Variants in ARHGAP23 observed in about 807,000 individuals in gnomAD.
The protein encoded by ARHGAP23 is Rho GTPase activating protein 23.
Under a neutral mutation model 136.3 loss-of-function variants are expected in ARHGAP23, and 34 were observed. That is an observed-to-expected ratio of 0.25 (90% CI 0.19 to 0.33). The LOEUF (loss-of-function observed/expected upper bound fraction) is 0.33. Ranked by LOEUF, ARHGAP23 falls within the 10% of genes least tolerant of loss-of-function variation. The pLI, the probability that ARHGAP23 is intolerant of heterozygous loss-of-function variation, is 1.00. For synonymous variants in ARHGAP23, 832 were observed against 920.5 expected, an observed-to-expected ratio of 0.90 and a Z score of 1.74; for missense variants, 1,808 against 2,139.0, an observed-to-expected ratio of 0.85 and a Z score of 3.05.
chr17:38,427,850 A>T (rs2038592376), upstream of ARHGAP23, among the ~76,000 whole-genome samples: 1 of 151,782 alleles, frequency 6.6e-6, no homozygotes, highest in Non-Finnish European at 1.5e-5. Context: ...CCGTCTCCCC[A>T]CCCCCTGCAC....
intron 3 of ARHGAP23, among the ~76,000 whole-genome samples, 171 bp downstream of exon 3, chr17:38,461,103 CT>C (rs1428573604): frequency 6.6e-6 from 1 of 152,226 alleles, no homozygotes; most frequent in Non-Finnish European, 1.5e-5. Flanking sequence ...TGGGCACCTC[CT>C]CCTCACTCTC....
chr17:38,500,700 A>G (rs922118089), intron 23 of ARHGAP23, 72 bp downstream of exon 23: 12 of 1,347,302 alleles, frequency 8.9e-6, no homozygotes, highest in African/African-American at 8.7e-5. Context: ...GTTCAAGGGA[A>G]TTGAGGGAAT....
At chr17:38,450,121 G>A (rs191685539) in intron 1 of ARHGAP23, among the ~76,000 whole-genome samples, 2 of 152,318 alleles carry the variant, frequency 1.3e-5, no homozygotes, top group Non-Finnish European at 2.9e-5. Context: ...GGGCTCCCTT[G>A]GTTTGTGGGG....
chr17:38,472,537 G>A (rs995026202), intron 11 of ARHGAP23, among the ~76,000 whole-genome samples: 5 of 152,158 alleles, frequency 3.3e-5, no homozygotes, highest in African/African-American at 9.7e-5. Context: ...AGGAGCCACC[G>A]TGGAGATCCA....
intron 20 of ARHGAP23, among the ~76,000 whole-genome samples, chr17:38,495,888 C>T (rs886805858): frequency 1.4e-5 from 2 of 146,560 alleles, no homozygotes; most frequent in Non-Finnish European, 3.0e-5. Flanking sequence ...GGGTAATTGC[C>T]TTAATTTTTA....
chr17:38,419,727 A>G (rs1335413824), intron 1 of ARHGAP23, among the ~76,000 whole-genome samples: 1 of 152,080 alleles, frequency 6.6e-6, no homozygotes, highest in African/African-American at 2.4e-5. Flanking sequence ...CCCACTTGGT[A>G]AGGGTACAGC....
chr17:38,453,218 C>T (rs2039222123), intron 1 of ARHGAP23, among the ~76,000 whole-genome samples: 3 of 151,476 alleles, frequency 2.0e-5, no homozygotes, highest in African/African-American at 7.3e-5. Context: ...TGTGTGTATA[C>T]GATGTGGAAG....
At chr17:38,502,394 G>C (rs2053448319) in intron 23 of ARHGAP23, among the ~76,000 whole-genome samples, 1 of 152,222 alleles carries the variant, frequency 6.6e-6, no homozygotes, top group South Asian at 2.1e-4. Flanking sequence ...ACCTAACAAT[G>C]CTTTTGAAAA....
chr17:38,437,937 C>T (rs1272232517), intron 1 of ARHGAP23, among the ~76,000 whole-genome samples: 2 of 152,172 alleles, frequency 1.3e-5, no homozygotes, highest in East Asian at 3.9e-4. Flanking sequence ...TGTCAATAAA[C>T]ATGGCTGAGC....
Position 38,446,801 on chromosome 17 carries a change from A to AT in ARHGAP23, c.64-11298dup, listed in dbSNP as rs1182762844. Among the ~76,000 whole-genome samples, 11 of 151,698 alleles carry AT rather than the reference A, an allele frequency of 7.3e-5. No individual in the cohort carries two copies. In the South Asian group the frequency reaches 1.7e-3, roughly 23 times the overall value. On this transcript the variant is annotated intron_variant, in intron 1 of 23. Transcript: ENST00000622683. The stretch of plus-strand genomic sequence containing the variant: ...CCATAGCAACTCCACCATTTTATTT[A>AT]TTTATTTTTTATTGCTTTTTTAGAG...
At position 38,469,875 on chromosome 17, in the gene ARHGAP23, C is replaced by G; in HGVS notation, c.1945C>G (p.Arg649Gly). 1 of 1,551,714 alleles carries G rather than the reference C, an allele frequency of 6.4e-7. No homozygotes were observed. Among genetic ancestry groups the G allele is most frequent in the Non-Finnish European group, 8.7e-7 (1 of 1,146,988 alleles). The part of the protein sequence containing the change: ...RRLPNRIPSL[R>G]MLRSFFTDGS... Reference sequence around the variant, plus strand: ...CCTGCCAAACCGCATACCCAGCCTGCGGATGCTCCGGAGCTTCTTCACCGA... The same window carrying G: ...CCTGCCAAACCGCATACCCAGCCTGGGGATGCTCCGGAGCTTCTTCACCGA... The change falls in exon 10 of 24, where the codon CGG becomes GGG. Residue 649 changes from arginine to glycine, a missense_variant. By Grantham distance (125) the Arg-to-Gly change is moderately radical. Coordinates refer to ENST00000622683, the MANE Select transcript of ARHGAP23 (RefSeq NM_001199417.2).
intron 23 of ARHGAP23, among the ~76,000 whole-genome samples, chr17:38,508,245 G>A (rs2040677556): frequency 6.6e-6 from 1 of 152,204 alleles, no homozygotes; most frequent in Non-Finnish European, 1.5e-5. Context: ...GCTGTACAGA[G>A]GAAGCCATGT....
Position 38,466,934 on chromosome 17 carries a change from C to T in ARHGAP23, c.1251C>T (p.Ile417=), listed in dbSNP as rs1391220478. 16 of 1,550,498 alleles carry T rather than the reference C, an allele frequency of 1.0e-5. 1 individual carries two copies. In the East Asian group the frequency reaches 2.2e-4, roughly 21 times the overall value. Residue 417 remains isoleucine (I), a synonymous_variant, in exon 7 of 24, where the codon ATC becomes ATT. Coordinates refer to ENST00000622683, the MANE Select transcript of ARHGAP23 (RefSeq NM_001199417.2). The stretch of plus-strand genomic sequence containing the variant: ...AGGGCCTGGATGACCTCGGGTACAT[C>T]GGCTACCGGAGCTACAGCCCATCAT... ...GLQGLDDLGY[I]GYRSYSPSFQ... is the part of the protein sequence containing the mutation.
At chr17:38,430,926 T>C (rs1305825437) in intron 1 of ARHGAP23, among the ~76,000 whole-genome samples, 1 of 152,186 alleles carries the variant, frequency 6.6e-6, no homozygotes, top group Non-Finnish European at 1.5e-5. Context: ...CTGGCCAGTA[T>C]TTATAAAAAC....
chr17:38,429,279 C>G (rs972413388), intron 1 of ARHGAP23, among the ~76,000 whole-genome samples: 7 of 152,242 alleles, frequency 4.6e-5, no homozygotes, highest in Non-Finnish European at 7.4e-5. Context: ...GCTGCTGAGG[C>G]TGGGGAGGGG....
At chr17:38,460,195 G>A (rs1013821962) in intron 2 of ARHGAP23, among the ~76,000 whole-genome samples, 1 of 152,168 alleles carries the variant, frequency 6.6e-6, no homozygotes, top group Admixed American at 6.5e-5. Context: ...AGGCCTCCCA[G>A]TGGGTCCCCT....
rs370940768 is a variant in ARHGAP23 at position 38,458,166 on chromosome 17, C to T, written c.128C>T (p.Thr43Met). The T allele has an allele frequency of 1.6e-5, 25 of 1,536,120 alleles. No homozygotes were observed. Among genetic ancestry groups the T allele is most frequent in the South Asian group, 1.1e-4 (9 of 84,060 alleles). ...RRPFPWQGPR[T>M]LLLYKSPQDG... ...CCCTTCCCCTGGCAGGGGCCGAGGA[C>T]GCTGCTGCTGTACAAAAGTCCCCAG... The change falls in exon 2 of 24, where the codon ACG (threonine) becomes ATG (methionine). Residue 43 changes from threonine to methionine, a missense_variant. Physicochemically the swap from Thr to Met is moderately conservative, Grantham distance 81 (BLOSUM62 -1). This residue lies in a region of ARHGAP23 where 859 missense variants were observed against 936.4 expected (regional missense o/e 0.92). Transcript: ENST00000622683.
chr17:38,478,944 C>T (rs1014929291), intron 12 of ARHGAP23, among the ~76,000 whole-genome samples: 5 of 152,148 alleles, frequency 3.3e-5, no homozygotes, highest in Non-Finnish European at 7.4e-5. Flanking sequence ...TTGCTGAGGT[C>T]ACATCCTCTT....
intron 3 of ARHGAP23, among the ~76,000 whole-genome samples, chr17:38,461,147 C>A (rs1037830253): frequency 1.3e-5 from 2 of 152,240 alleles, no homozygotes; most frequent in Non-Finnish European, 2.9e-5. Flanking sequence ...GCACATTTGT[C>A]TCCCTTGGGC....
Sources: allele counts gnomAD v4.1 joint callset (sites outside exome capture counted in the v4.1 genomes callset), GRCh38; gene constraint gnomAD v4.1.1; regional missense constraint gnomAD v4.1.1; transcripts MANE v1.5; gene names NCBI Gene and HGNC (gene_info 2026-07-23, HGNC 2026-07-21).